The following PLXNA4 variants were observed in gnomAD, a reference collection of about 807,000 sequenced individuals.
PLXNA4 encodes the protein plexin A4.
PLXNA4 carries 44 observed loss-of-function variants against 191.8 expected under a neutral mutation model. The observed-to-expected ratio is 0.23, with a 90% CI of 0.18 to 0.29. PLXNA4 has a LOEUF of 0.29. PLXNA4 is among the 10% of genes least tolerant of loss of function. The probability of loss-of-function intolerance (pLI) is 1.00; values close to 1 mark genes in which losing one functional copy is unlikely to be tolerated. For synonymous variants in PLXNA4, 1,082 were observed against 1,009.5 expected, an observed-to-expected ratio of 1.07 and a Z score of -1.36; for missense variants, 1,800 against 2,488.8, an observed-to-expected ratio of 0.72 and a Z score of 5.89.
chr7:132,191,654 C>T (rs1584821509), intron 14 of PLXNA4, among the ~76,000 whole-genome samples: 1 of 152,144 alleles, frequency 6.6e-6, no homozygotes, highest in East Asian at 1.9e-4. Context: ...AAGTCCAGTG[C>T]TTGCTTTGGC....
chr7:132,568,322 GA>G (rs1440041871), intron 1 of PLXNA4, among the ~76,000 whole-genome samples: 13 of 152,146 alleles, frequency 8.5e-5, no homozygotes, highest in African/African-American at 3.1e-4. Flanking sequence ...CAAAACATTA[GA>G]AAAGTCTTCA....
At chr7:132,460,225 G>C (rs938020590) in intron 3 of PLXNA4, among the ~76,000 whole-genome samples, 1 of 152,004 alleles carries the variant, frequency 6.6e-6, no homozygotes, top group Non-Finnish European at 1.5e-5. Context: ...AGGCACAGTG[G>C]TACACACCTG....
intron 1 of PLXNA4, among the ~76,000 whole-genome samples, chr7:132,544,678 G>A (rs1003256074): frequency 3.3e-5 from 5 of 152,162 alleles, no homozygotes; most frequent in African/African-American, 7.2e-5. Context: ...GGTAGGGTCC[G>A]AATGGAGTGG....
At chr7:132,182,387 G>A (rs1796738355) in intron 16 of PLXNA4, among the ~76,000 whole-genome samples, 197 bp from the exon 17 acceptor site, 1 of 152,156 alleles carries the variant, frequency 6.6e-6, no homozygotes, top group African/African-American at 2.4e-5. Context: ...GGGCAGTAAT[G>A]ACCAGATGTC....
intron 2 of PLXNA4, among the ~76,000 whole-genome samples, chr7:132,608,252 G>A (rs1392702607): frequency 7.1e-6 from 1 of 141,502 alleles, no homozygotes; most frequent in Non-Finnish European, 1.6e-5. Flanking sequence ...ATTCCATGGG[G>A]ATAATGAGAC....
rs541272260 is a variant in PLXNA4 at position 132,354,166 on chromosome 7, T to C, written c.1372-55944A>G. The stretch of plus-strand genomic sequence containing the variant: ...CCAGAAATGTGTATGCCTGTAAGCC[T>C]GGGGCACCAACAGTGTGTGCGTGTG... On this transcript the variant is annotated intron_variant, in intron 3 of 31. Transcript: ENST00000321063. Among the ~76,000 whole-genome samples the C allele has an allele frequency of 7.2e-4, 106 of 147,124 alleles. 1 individual carries two copies. The Middle Eastern group carries it at 0.017, about 24-fold the overall frequency.
At chr7:132,636,511 C>G (rs915541687) in intron 2 of PLXNA4, among the ~76,000 whole-genome samples, 52 of 152,302 alleles carry the variant, frequency 3.4e-4, no homozygotes, top group African/African-American at 1.1e-3. Context: ...ATCCCACACT[C>G]TCGGCTCCAT....
chr7:132,602,732 G>T (rs189527212), intron 2 of PLXNA4, among the ~76,000 whole-genome samples: 144 of 152,272 alleles, frequency 9.5e-4, no homozygotes, highest in Non-Finnish European at 4.0e-4. Flanking sequence ...GTACAAGAGG[G>T]ATCAGAGACA....
intron 28 of PLXNA4, among the ~76,000 whole-genome samples, chr7:132,145,992 A>T (rs1350025820): frequency 4.3e-5 from 6 of 138,320 alleles, no homozygotes; most frequent in African/African-American, 1.6e-4. Context: ...AGGCAGGAGG[A>T]TTGTTTGAAC....
intron 3 of PLXNA4, among the ~76,000 whole-genome samples, chr7:132,313,650 G>A (rs1443730632): frequency 1.3e-5 from 2 of 152,116 alleles, no homozygotes; most frequent in African/African-American, 4.8e-5. Flanking sequence ...GTGGCCGATT[G>A]ACTGTCTCAT....
At position 132,306,417 on chromosome 7, in the gene PLXNA4, G is replaced by A. The variant is rs180723874; in HGVS notation, c.1372-8195C>T. Among the ~76,000 whole-genome samples, 159 of 152,284 alleles carry A rather than the reference G, an allele frequency of 1.0e-3. 1 individual carries two copies. Among genetic ancestry groups the A allele is most frequent in the Non-Finnish European group, 1.7e-3 (117 of 68,024 alleles). ...TCCTGGCTCTGACCTGGCTCTCAAG[G>A]AGGCAGCAACAAAGATCCTTGGCAA... On this transcript the variant is annotated intron_variant, in intron 3 of 31. Coordinates refer to ENST00000321063, the MANE Select transcript of PLXNA4 (RefSeq NM_020911.2).
chr7:132,498,865 T>C (rs1798136011), intron 2 of PLXNA4, among the ~76,000 whole-genome samples: 3 of 152,310 alleles, frequency 2.0e-5, no homozygotes, highest in African/African-American at 4.8e-5. Flanking sequence ...AATGAATGCA[T>C]TTAACTACCT....
Position 132,198,508 on chromosome 7 carries a change from C to T in PLXNA4, c.2715G>A (p.Val905=). The T allele has an allele frequency of 6.2e-7, 1 of 1,614,196 alleles. No homozygotes were observed. ...ACTGTTCTGCAGGGATGTAACCATC[C>T]ACTAAAGGGCTGCACTCCACGCCAG... is the stretch of plus-strand genomic sequence containing the variant. The part of the protein sequence containing the change: ...KVAGVECSPL[V]DGYIPAEQIV... Residue 905 remains valine (V), a synonymous_variant, in exon 13 of 32, where the codon GTG becomes GTA. Transcript: ENST00000321063.
intron 3 of PLXNA4, among the ~76,000 whole-genome samples, chr7:132,313,957 G>T (rs778451551): frequency 6.6e-6 from 1 of 152,062 alleles, no homozygotes; most frequent in Non-Finnish European, 1.5e-5. Context: ...TTCCCTTCAC[G>T]TTGCCCCCAG....
At chr7:132,180,774 G>A in intron 18 of PLXNA4, 42 bp from the exon 19 acceptor site, 1 of 1,589,544 alleles carries the variant, frequency 6.3e-7, no homozygotes. Flanking sequence ...CCAGAGTGAG[G>A]ACCACAGCTA....
intron 3 of PLXNA4, among the ~76,000 whole-genome samples, chr7:132,333,659 G>C (rs75974158): frequency 0.03 from 4,633 of 152,292 alleles, 244 homozygotes; most frequent in African/African-American, 0.1. Context: ...CCAGAGGGCA[G>C]GGCTGCCAAA....
chr7:132,150,324 C>G (rs1365988772), intron 25 of PLXNA4, among the ~76,000 whole-genome samples: 1 of 152,104 alleles, frequency 6.6e-6, no homozygotes, highest in East Asian at 1.9e-4. Context: ...CATGCATGCA[C>G]TTTTGAGTGG....
At chr7:132,313,097 G>T (rs1326278736) in intron 3 of PLXNA4, among the ~76,000 whole-genome samples, 1 of 152,158 alleles carries the variant, frequency 6.6e-6, no homozygotes, top group Non-Finnish European at 1.5e-5. Flanking sequence ...CATGGGGGTG[G>T]TCCTGAGCTC....
At chr7:132,190,276 C>T (rs1014533584) in intron 14 of PLXNA4, among the ~76,000 whole-genome samples, 2 of 152,256 alleles carry the variant, frequency 1.3e-5, no homozygotes, top group African/African-American at 4.8e-5. Flanking sequence ...TTCAATCACA[C>T]CCCTCTCCAG....
Sources: gnomAD v4.1 joint callset for allele counts (sites outside exome capture counted in the v4.1 genomes callset) on GRCh38, gnomAD v4.1.1 for gene constraint, MANE v1.5 for transcripts, NCBI Gene and HGNC (gene_info 2026-07-23, HGNC 2026-07-21) for gene names.